The following STK32B variants were observed in gnomAD, a reference collection of about 807,000 sequenced individuals.
STK32B encodes the protein serine/threonine-protein kinase 32B.
A neutral mutation model predicts 52.6 loss-of-function variants in STK32B; 43 were observed. The ratio of observed to expected loss-of-function variants is 0.82; its 90% CI spans 0.64 to 1.05. STK32B has a LOEUF of 1.05. STK32B is among the 50% of genes least tolerant of loss of function. The pLI is 0.00. For synonymous variants in STK32B, 238 were observed against 204.3 expected (o/e 1.17, Z -1.41); for missense variants, 621 against 534.6 (o/e 1.16, Z -1.59).
intron 3 of STK32B, among the ~76,000 whole-genome samples, chr4:5,199,982 C>T (rs557348558): frequency 6.6e-6 from 1 of 152,280 alleles, no homozygotes; most frequent in Non-Finnish European, 1.5e-5. Context: ...AATGGAAGCT[C>T]AGGGCTAAAC....
chr4:5,272,489 G>A (rs1232351531), intron 3 of STK32B, among the ~76,000 whole-genome samples: 12 of 147,114 alleles, frequency 8.2e-5, no homozygotes, highest in Middle Eastern at 3.4e-3. Flanking sequence ...GTCTCTGCCC[G>A]GCTTTGGTAT....
intron 4 of STK32B, among the ~76,000 whole-genome samples, chr4:5,363,364 GC>G (rs1236838931): frequency 6.6e-6 from 1 of 152,272 alleles, no homozygotes; most frequent in African/African-American, 2.4e-5. Flanking sequence ...AGATTCAGAA[GC>G]TATGACTTGC....
rs572052310 is a variant in STK32B, at chr4:5,483,223, C to T, written c.1106+15153C>T. Reference sequence around the variant, plus strand: ...CTGTGAATCCATCTGGTCCTGGACTCTTTTTGGTTGGTAAGCTATTGATTA... The same window carrying T: ...CTGTGAATCCATCTGGTCCTGGACTTTTTTTGGTTGGTAAGCTATTGATTA... On this transcript the variant is annotated intron_variant, in intron 11 of 11. Transcript: ENST00000282908. Among the ~76,000 whole-genome samples the T allele has an allele frequency of 4.6e-3, 685 of 147,762 alleles. 3 individuals carry two copies. Among genetic ancestry groups the T allele is most frequent in the African/African-American group, 0.017 (631 of 37,412 alleles).
At chr4:5,144,007 CTACTT>C (rs1716711754) in intron 2 of STK32B, among the ~76,000 whole-genome samples, 1 of 152,176 alleles carries the variant, frequency 6.6e-6, no homozygotes, top group African/African-American at 2.4e-5. Context: ...AATTGGGCCT[CTACTT>C]TAGAGTGGTT....
chr4:5,492,744 C>G (rs188275501), intron 11 of STK32B, among the ~76,000 whole-genome samples: 1 of 150,918 alleles, frequency 6.6e-6, no homozygotes, highest in Non-Finnish European at 1.5e-5. Context: ...TTTTGAGATA[C>G]GTCCCATCAA....
At chr4:5,258,091 T>C (rs1352694325) in intron 3 of STK32B, among the ~76,000 whole-genome samples, 3 of 152,254 alleles carry the variant, frequency 2.0e-5, no homozygotes, top group Non-Finnish European at 2.9e-5. Context: ...CTGAATGTTA[T>C]GTGGCTCAAT....
chr4:5,125,955 G>A (rs1462398047), intron 1 of STK32B, among the ~76,000 whole-genome samples: 2 of 152,074 alleles, frequency 1.3e-5, no homozygotes, highest in Admixed American at 6.5e-5. Flanking sequence ...AACCTAGGTT[G>A]AGCTTCACTT....
chr4:5,155,201 G>A (rs1170818624), intron 2 of STK32B, among the ~76,000 whole-genome samples: 2 of 152,120 alleles, frequency 1.3e-5, no homozygotes, highest in African/African-American at 4.8e-5. Flanking sequence ...ACTCTGTGGC[G>A]CCTTCCCAGA....
chr4:5,235,730 G>A (rs944893026), intron 3 of STK32B, among the ~76,000 whole-genome samples: 18 of 152,180 alleles, frequency 1.2e-4, no homozygotes, highest in Non-Finnish European at 2.5e-4. Flanking sequence ...TAGAGTCTTC[G>A]ATTTGAACCT....
chr4:5,361,897 A>G lies in STK32B; in HGVS notation c.434+30504A>G, dbSNP rs141565434. Among the ~76,000 whole-genome samples the G allele has an allele frequency of 1.2e-3, 176 of 152,394 alleles. 1 individual carries two copies. Among genetic ancestry groups the G allele is most frequent in the African/African-American group, 4.2e-3 (174 of 41,588 alleles). On this transcript the variant is annotated intron_variant, in intron 4 of 11. Transcript: ENST00000282908. The stretch of plus-strand genomic sequence containing the variant: ...AATATTAATATCATGTGATACACAT[A>G]TAAAACATAATGTCAAAATCAGCAT...
At position 5,383,473 on chromosome 4, in the gene STK32B, T is replaced by A. The variant is rs56824103; in HGVS notation, c.435-14734T>A. Among the ~76,000 whole-genome samples the A allele has an allele frequency of 7.7e-3, 1,180 of 152,300 alleles. 21 individuals are homozygous for A. Among genetic ancestry groups the A allele is most frequent in the Middle Eastern group, 0.027 (8 of 294 alleles). ...AAGAATTCCAAACAAAATCCTCCCCTGAACGAGCCCAGGACTCGTAGCATC... is the reference window on the plus strand; with the variant it reads ...AAGAATTCCAAACAAAATCCTCCCCAGAACGAGCCCAGGACTCGTAGCATC... On this transcript the variant is annotated intron_variant, in intron 4 of 11. Transcript: ENST00000282908.
At chr4:5,051,348 A>AGCTCCCGG, upstream of STK32B, 1 of 156,048 alleles carries the variant, frequency 6.4e-6, no homozygotes, top group African/African-American at 2.5e-5. Context: ...GCCTGCAGGG[A>AGCTCCCGG]CCGAGCTCCC....
chr4:5,343,337 T>C (rs896823872), intron 4 of STK32B, among the ~76,000 whole-genome samples: 1 of 152,110 alleles, frequency 6.6e-6, no homozygotes, highest in Non-Finnish European at 1.5e-5. Flanking sequence ...ATTTTCTTCA[T>C]CCAGTCTATC....
chr4:5,499,207 G>T lies in STK32B; in HGVS notation c.*124G>T. The T allele has an allele frequency of 7.4e-7, 1 of 1,342,920 alleles. No individual in the cohort carries two copies. The highest frequency in any genetic ancestry group is 1.7e-5 in the South Asian group (1 of 58,066). The allele number at this position is 1,342,920 out of a possible 1,614,324, so 83.2% of individuals were successfully genotyped here. ...AACATCAGATGCAGAAAAAGCCCTG[G>T]ACTTGGAGCTGGGAAGCCTGGGTTC... is the stretch of plus-strand genomic sequence containing the variant. On this transcript the variant is annotated 3_prime_UTR_variant, in exon 12 of 12. Transcript: ENST00000282908.
chr4:5,317,240 T>A (rs1247514191), intron 3 of STK32B, among the ~76,000 whole-genome samples: 1 of 41,154 alleles, frequency 2.4e-5, no homozygotes, highest in Admixed American at 4.0e-4. Context: ...ATAACATATA[T>A]ATATTATATA....
chr4:5,409,875 GA>G (rs965044273), intron 5 of STK32B, among the ~76,000 whole-genome samples: 2 of 151,866 alleles, frequency 1.3e-5, no homozygotes, highest in African/African-American at 2.4e-5. Context: ...AAATGGAACA[GA>G]AAAAAAATCA....
the STK32B span, among the ~76,000 whole-genome samples, chr4:5,041,747 A>C: frequency 1.3e-5 from 2 of 152,052 alleles, no homozygotes; most frequent in Non-Finnish European, 2.9e-5. Flanking sequence ...ACTTTCAACA[A>C]CAGAACTGGA....
At chr4:5,185,258 C>G (rs1449457340) in intron 3 of STK32B, among the ~76,000 whole-genome samples, 1 of 152,164 alleles carries the variant, frequency 6.6e-6, no homozygotes, top group African/African-American at 2.4e-5. Flanking sequence ...CTGTCCCTGT[C>G]TATTGCCTAA....
chr4:5,437,935 AGT>A (rs1040686155), intron 6 of STK32B: 4 of 985,294 alleles, frequency 4.1e-6, no homozygotes, highest in Non-Finnish European at 4.8e-6. Context: ...ATCAGCTCCA[AGT>A]GTGTGGGGGA....
Sources: gnomAD v4.1 joint callset for allele counts (sites outside exome capture counted in the v4.1 genomes callset) on GRCh38, gnomAD v4.1.1 for gene constraint, MANE v1.5 for transcripts, NCBI Gene and HGNC (gene_info 2026-07-23, HGNC 2026-07-21) for gene names.